The following RELB variants were observed in gnomAD, a reference collection of about 807,000 sequenced individuals.
RELB encodes the protein RELB proto-oncogene, NF-kB subunit.
A neutral mutation model predicts 55.4 loss-of-function variants in RELB; 14 were observed. The observed-to-expected ratio is 0.25, with a 90% confidence interval of 0.17 to 0.40. RELB has a LOEUF of 0.40. Among genes scored for constraint, RELB ranks in the 10% least tolerant of loss-of-function variants. The probability of loss-of-function intolerance (pLI) is 1.00; values close to 1 mark genes in which losing one functional copy is unlikely to be tolerated. For synonymous variants in RELB, 409 were observed against 371.3 expected (o/e 1.10, Z -1.17); for missense variants, 669 against 830.7 (o/e 0.81, Z 2.39).
At chr19:45,028,147 G>A (rs1446887927) in intron 7 of RELB, among the ~76,000 whole-genome samples, 1 of 151,906 alleles carries the variant, frequency 6.6e-6, no homozygotes, top group Non-Finnish European at 1.5e-5. Context: ...GGCCCCTCAA[G>A]TGCTGGCATT....
Position 45,038,120 on chromosome 19 carries a change from C to T in RELB, c.*330C>T, listed in dbSNP as rs192937000. The T allele has an allele frequency of 0.014, 3,613 of 263,536 alleles. 47 individuals are homozygous for T. The highest frequency in any genetic ancestry group is 0.02 in the Non-Finnish European group (2,797 of 140,230). 16.3% of individuals were successfully genotyped at this position (263,536 alleles called of 1,614,324 possible). ...GAGGAGGGGGCAGATTCCTGGCCCT[C>T]CCTCCCCAGACTTGAAGGTGGGGGG... On this transcript the variant is annotated 3_prime_UTR_variant, in exon 12 of 12. Coordinates refer to ENST00000221452, the MANE Select transcript of RELB (RefSeq NM_006509.4).
intron 2 of RELB, chr19:45,003,625 C>T (rs1432900704): frequency 7.7e-6 from 4 of 517,650 alleles, no homozygotes; most frequent in South Asian, 2.8e-5. Flanking sequence ...CTGCTGTCAT[C>T]GCCCCTCCCT....
intron 3 of RELB, among the ~76,000 whole-genome samples, chr19:45,011,143 T>G (rs1271009617): frequency 7.1e-6 from 1 of 140,832 alleles, no homozygotes; most frequent in Non-Finnish European, 1.5e-5. Flanking sequence ...TGAGCCACCA[T>G]GCCCAGCCTA....
At position 45,002,992 on chromosome 19, in the gene RELB, C is replaced by T. The variant is rs1971233177; in HGVS notation, c.150C>T (p.Ser50=). Residue 50 remains serine (S), a synonymous_variant, in exon 2 of 12, where the codon AGC becomes AGT. Coordinates refer to ENST00000221452, the MANE Select transcript of RELB (RefSeq NM_006509.4). ...CACTCTCGCTCGCCGTTTCCAGGAG[C>T]ACAGGTGAGCAGCCCTCCACAGTTC... ...LSSLSLAVSR[S]TDELEIIDEY... The T allele has an allele frequency of 1.9e-6, 3 of 1,612,846 alleles. No homozygotes were observed. Among genetic ancestry groups the T allele is most frequent in the African/African-American group, 1.3e-5 (1 of 74,904 alleles).
intron 8 of RELB, 105 bp downstream of exon 8, chr19:45,029,097 C>T (rs1971591545): frequency 1.0e-5 from 8 of 772,984 alleles, no homozygotes; most frequent in Non-Finnish European, 1.7e-5. Context: ...GCTGGTTAAC[C>T]AGGGCACCAG....
Position 45,032,665 on chromosome 19 carries a change from G to A in RELB, c.1123G>A (p.Val375Met), listed in dbSNP as rs940958016. 4 of 1,611,986 alleles carry A rather than the reference G, an allele frequency of 2.5e-6. No homozygotes were observed. The highest frequency in any genetic ancestry group is 1.7e-5 in the Admixed American group (1 of 59,626). The change falls in exon 9 of 12, where the codon GTG (valine) becomes ATG (methionine). Residue 375 changes from valine to methionine, a missense_variant. By Grantham distance (21) the Val-to-Met change is conservative. Coordinates refer to ENST00000221452, the MANE Select transcript of RELB (RefSeq NM_006509.4). ...PYEDLEIVEPVTVNVFLQRLT... is the reference protein window; with the variant it reads ...PYEDLEIVEPMTVNVFLQRLT... ...CGAGGACCTGGAGATTGTCGAGCCCGTGACAGTCAACGTCTTCCTGCAGCG... is the reference window on the plus strand; with the variant it reads ...CGAGGACCTGGAGATTGTCGAGCCCATGACAGTCAACGTCTTCCTGCAGCG...
intron 2 of RELB, chr19:45,008,792 C>T: frequency 6.6e-6 from 2 of 305,154 alleles, no homozygotes; most frequent in Non-Finnish European, 1.3e-5. Flanking sequence ...GCTGCAGCTG[C>T]CTTCCGTTGC....
At chr19:45,012,402 T>C in intron 4 of RELB, 126 bp downstream of exon 4, 1 of 583,250 alleles carries the variant, frequency 1.7e-6, no homozygotes, top group Non-Finnish European at 2.6e-6. Context: ...CAGATATTAA[T>C]TATACTATCA....
intron 5 of RELB, among the ~76,000 whole-genome samples, chr19:45,023,932 GTAGAGA>G (rs1971524878): frequency 7.3e-6 from 1 of 136,872 alleles, no homozygotes; most frequent in Admixed American, 7.7e-5. Context: ...TGTATTTTTA[GTAGAGA>G]CGGGGTTTCA....
rs765948890 is a variant in RELB, at chr19:45,012,011, C to T, written c.239C>T (p.Pro80Leu). The change falls in exon 4 of 12, where the codon CCA (proline) becomes CTA (leucine). Residue 80 changes from proline to leucine, a missense_variant. Transcript: ENST00000221452. ...GGQPGPGEGL[P>L]RLVSRGAASL... ...CAGCCGGGCCCGGGCGAGGGGCTGC[C>T]ACGCCTGGTGTCTCGCGGGGCTGCG... 9 of 1,575,998 alleles carry T rather than the reference C, an allele frequency of 5.7e-6. No homozygotes were observed. In the African/African-American group the frequency reaches 1.3e-4, roughly 22 times the overall value.
chr19:45,004,528 A>G (rs1426967615), intron 2 of RELB, among the ~76,000 whole-genome samples: 6 of 149,864 alleles, frequency 4.0e-5, no homozygotes, highest in East Asian at 4.2e-4. Flanking sequence ...CTGGCCAGAC[A>G]GTGGTTCTTA....
chr19:45,012,736 C>CAA (rs1182021644), intron 4 of RELB, among the ~76,000 whole-genome samples: 4 of 99,746 alleles, frequency 4.0e-5, no homozygotes, highest in African/African-American at 1.3e-4. Flanking sequence ...GACCTTGTCT[C>CAA]AAAAAAAAAG....
chr19:45,037,579 C>A lies in RELB; in HGVS notation c.1529C>A (p.Pro510Gln), dbSNP rs955337577. 6.2e-7 allele frequency: 1 copy of A among 1,612,294 alleles called. No individual in the cohort carries two copies. Among genetic ancestry groups the A allele is most frequent in the Non-Finnish European group, 8.5e-7 (1 of 1,179,380 alleles). The change falls in exon 12 of 12, where the codon CCA (proline) becomes CAA (glutamine). Residue 510 changes from proline (P) to glutamine (Q), a missense_variant. Pro to Gln is a moderately conservative substitution (Grantham distance 76). Coordinates refer to ENST00000221452, the MANE Select transcript of RELB (RefSeq NM_006509.4). The stretch of plus-strand genomic sequence containing the variant: ...CTGGACCTGCTGCCCCCGGCACCGC[C>A]ACACGCTAGCGCTGTTGTGTGCAGC... ...TMLDLLPPAP[P>Q]HASAVVCSGG...
chr19:45,005,716 G>T (rs2122389048), intron 2 of RELB, among the ~76,000 whole-genome samples: 1 of 152,296 alleles, frequency 6.6e-6, no homozygotes, highest in East Asian at 1.9e-4. Context: ...TGATTCTCCT[G>T]CCTCAGCCTC....
chr19:45,035,849 C>T (rs1011802743), intron 11 of RELB, among the ~76,000 whole-genome samples: 3 of 152,064 alleles, frequency 2.0e-5, no homozygotes, highest in African/African-American at 7.2e-5. Flanking sequence ...AAAAACAGTC[C>T]ATAGGTAGGT....
intron 2 of RELB, among the ~76,000 whole-genome samples, chr19:45,007,930 G>A (rs768924545): frequency 2.9e-4 from 44 of 149,710 alleles, no homozygotes; most frequent in Admixed American, 4.1e-4. Flanking sequence ...GCCGAGGTGC[G>A]CGGATCATGA....
chr19:45,027,476 A>C (rs939704429), intron 7 of RELB, among the ~76,000 whole-genome samples: 1 of 151,984 alleles, frequency 6.6e-6, no homozygotes, highest in Non-Finnish European at 1.5e-5. Flanking sequence ...CGACTCCCAA[A>C]GCTGCTTTTA....
At chr19:45,030,760 G>A (rs559081758) in intron 8 of RELB, among the ~76,000 whole-genome samples, 2 of 152,308 alleles carry the variant, frequency 1.3e-5, no homozygotes, top group East Asian at 1.9e-4. Context: ...TGGTGCCACC[G>A]CACTGCAGCC....
intron 4 of RELB, among the ~76,000 whole-genome samples, chr19:45,020,989 A>G (rs1364321314): frequency 1.3e-5 from 2 of 152,116 alleles, no homozygotes; most frequent in Non-Finnish European, 1.5e-5. Context: ...AGCTTGGGCA[A>G]TGTAGCGAAA....
Sources: allele counts gnomAD v4.1 joint callset (sites outside exome capture counted in the v4.1 genomes callset), GRCh38; gene constraint gnomAD v4.1.1; transcripts MANE v1.5; gene names NCBI Gene and HGNC (gene_info 2026-07-23, HGNC 2026-07-21).